The following KPNA1 variants were observed in gnomAD, a reference collection of about 807,000 sequenced individuals.
KPNA1 encodes karyopherin subunit alpha 1.
Under a neutral mutation model 70.5 loss-of-function variants are expected in KPNA1, and 10 were observed. That is an observed-to-expected ratio of 0.14 (90% CI 0.09 to 0.24). The LOEUF (loss-of-function observed/expected upper bound fraction) is 0.24, where lower values mean the gene tolerates loss of function less well. KPNA1 is among the 10% of genes least tolerant of loss of function. KPNA1 has a pLI of 1.00. For synonymous variants in KPNA1, 192 were observed against 221.9 expected (o/e 0.87, Z 1.20); for missense variants, 397 against 637.9 (o/e 0.62, Z 4.07).
intron 6 of KPNA1, 64 bp from the exon 7 acceptor site, chr3:122,452,128 G>A: frequency 9.7e-7 from 1 of 1,030,902 alleles, no homozygotes; most frequent in Non-Finnish European, 1.5e-6. Flanking sequence ...TCTTTCAGAT[G>A]CCAGTATATC....
chr3:122,490,278 T>C (rs1189996911), intron 2 of KPNA1, among the ~76,000 whole-genome samples: 1 of 152,266 alleles, frequency 6.6e-6, no homozygotes, highest in African/African-American at 2.4e-5. Context: ...CTGTGGGCTC[T>C]GCCTTAGCGC....
intron 2 of KPNA1, among the ~76,000 whole-genome samples, chr3:122,470,289 G>A (rs1029118876): frequency 3.2e-4 from 48 of 152,192 alleles, no homozygotes; most frequent in African/African-American, 1.1e-3. Flanking sequence ...GCGGCGGGTG[G>A]ATCATGAGGT....
chr3:122,441,864 G>A (rs572284888), intron 10 of KPNA1, among the ~76,000 whole-genome samples, 174 bp downstream of exon 10: 122 of 152,338 alleles, frequency 8.0e-4, no homozygotes, highest in African/African-American at 2.7e-3. Flanking sequence ...GTCTCCCAAA[G>A]TGCTGGGATT....
chr3:122,512,776 T>A (rs2076969336), intron 1 of KPNA1, among the ~76,000 whole-genome samples: 1 of 152,262 alleles, frequency 6.6e-6, no homozygotes, highest in Admixed American at 6.5e-5. Flanking sequence ...TTTCAGGTGA[T>A]ACCTTTCTAA....
chr3:122,464,449 T>A (rs2076358788), intron 3 of KPNA1, among the ~76,000 whole-genome samples: 1 of 152,196 alleles, frequency 6.6e-6, no homozygotes, highest in South Asian at 2.1e-4. Flanking sequence ...CCAGCCCTTA[T>A]TACACTCCCA....
chr3:122,451,107 T>C (rs555195721), intron 8 of KPNA1, among the ~76,000 whole-genome samples: 18 of 151,776 alleles, frequency 1.2e-4, no homozygotes, highest in East Asian at 3.9e-4. Context: ...AAGTAACTCA[T>C]GTACCTAAAC....
intron 2 of KPNA1, among the ~76,000 whole-genome samples, chr3:122,467,907 AT>A (rs941534710): frequency 7.2e-5 from 11 of 152,204 alleles, no homozygotes; most frequent in Non-Finnish European, 1.2e-4. Flanking sequence ...GTGGCAACAA[AT>A]GATGACTGCT....
intron 1 of KPNA1, among the ~76,000 whole-genome samples, chr3:122,504,174 C>G (rs963025519): frequency 3.3e-5 from 5 of 152,178 alleles, no homozygotes; most frequent in African/African-American, 7.2e-5. Flanking sequence ...AACAAAACAC[C>G]ATCAACTGGG....
intron 1 of KPNA1, among the ~76,000 whole-genome samples, chr3:122,506,963 C>T (rs996135736): frequency 6.6e-6 from 1 of 152,134 alleles, no homozygotes; most frequent in Non-Finnish European, 1.5e-5. Flanking sequence ...CTGTTCACTG[C>T]AGTGTGATTA....
intron 2 of KPNA1, among the ~76,000 whole-genome samples, chr3:122,469,016 A>G (rs2076412394): frequency 6.6e-6 from 1 of 152,240 alleles, no homozygotes; most frequent in Admixed American, 6.5e-5. Flanking sequence ...GGAAAGAACA[A>G]AAGAAATATT....
At chr3:122,513,191 T>C (rs1576357352) in intron 1 of KPNA1, among the ~76,000 whole-genome samples, 1 of 152,256 alleles carries the variant, frequency 6.6e-6, no homozygotes, top group South Asian at 2.1e-4. Flanking sequence ...TTAGGTAAGT[T>C]ACTTAACATT....
At position 122,425,822 on chromosome 3, in the gene KPNA1, G is replaced by A. The variant is rs1241618243; in HGVS notation, c.*1163C>T. Reference sequence around the variant, plus strand: ...TTCTTATTTGGGTTAAGCAGGTCATGTTGAGAAGATGGTTATTTCTTTCAG... The same window carrying A: ...TTCTTATTTGGGTTAAGCAGGTCATATTGAGAAGATGGTTATTTCTTTCAG... On this transcript the variant is annotated 3_prime_UTR_variant, in exon 14 of 14. Coordinates refer to ENST00000344337, the MANE Select transcript of KPNA1 (RefSeq NM_002264.4). The A allele has an allele frequency of 6.6e-6, 1 of 152,628 alleles. No individual in the cohort carries two copies. Among genetic ancestry groups the A allele is most frequent in the African/African-American group, 2.4e-5 (1 of 41,438 alleles). The allele number at this position is 152,628 out of a possible 1,614,324, so 9.5% of individuals were successfully genotyped here.
intron 9 of KPNA1, among the ~76,000 whole-genome samples, chr3:122,446,892 C>T (rs917389919): frequency 1.4e-4 from 22 of 152,196 alleles, no homozygotes; most frequent in African/African-American, 5.1e-4. Context: ...CTATCAACAC[C>T]TCTACACAAA....
intron 9 of KPNA1, among the ~76,000 whole-genome samples, chr3:122,445,827 T>G (rs931912780): frequency 2.0e-5 from 3 of 151,986 alleles, no homozygotes; most frequent in Non-Finnish European, 4.4e-5. Context: ...TGGAGGAAGA[T>G]GTACAAAGCA....
intron 5 of KPNA1, among the ~76,000 whole-genome samples, chr3:122,454,406 A>AT (rs1251857662): frequency 6.6e-6 from 1 of 152,250 alleles, no homozygotes. Flanking sequence ...TATCTTCAGA[A>AT]TGAGTTAGAG....
In KPNA1 at chr3:122,426,858, G is replaced by C. The variant is rs187728601; in HGVS notation, c.*127C>G. The C allele has an allele frequency of 1.4e-6, 1 of 695,646 alleles. No homozygotes were observed. Among genetic ancestry groups the C allele is most frequent in the East Asian group, 2.7e-5 (1 of 36,576 alleles). 43.1% of individuals were successfully genotyped at this position (695,646 alleles called of 1,614,324 possible). ...GTAAGAGAGCAGGTGCGCAAGGCAA[G>C]CAAATGAGCGCAAACAGTATTATGG... On this transcript the variant is annotated 3_prime_UTR_variant, in exon 14 of 14. Coordinates refer to ENST00000344337, the MANE Select transcript of KPNA1 (RefSeq NM_002264.4).
At chr3:122,455,089 C>A (rs760258192) in intron 5 of KPNA1, among the ~76,000 whole-genome samples, 2 of 152,098 alleles carry the variant, frequency 1.3e-5, no homozygotes, top group African/African-American at 4.8e-5. Context: ...AATAACAAGT[C>A]GTCATCAAAT....
chr3:122,453,093 C>T (rs2076229456), intron 6 of KPNA1, among the ~76,000 whole-genome samples: 1 of 152,048 alleles, frequency 6.6e-6, no homozygotes, highest in Non-Finnish European at 1.5e-5. Flanking sequence ...GGACAACAGG[C>T]GTGTGCCACC....
At chr3:122,452,146 C>T (rs2076208573) in intron 6 of KPNA1, 82 bp from the exon 7 acceptor site, 4 of 875,872 alleles carry the variant, frequency 4.6e-6, no homozygotes, top group Admixed American at 1.9e-5. Context: ...ATCACAATAA[C>T]ACGTTCATCA....
Sources: allele counts gnomAD v4.1 joint callset (sites outside exome capture counted in the v4.1 genomes callset), GRCh38; gene constraint gnomAD v4.1.1; transcripts MANE v1.5; gene names NCBI Gene and HGNC (gene_info 2026-07-23, HGNC 2026-07-21).